CLPB: variants seen among roughly 807,000 people sequenced by gnomAD.
CLPB encodes the protein ClpB family mitochondrial disaggregase, also known as mitochondrial disaggregase.
In CLPB, 40 loss-of-function variants were observed where a neutral mutation model predicts 78.4. The ratio of observed to expected loss-of-function variants is 0.51; its 90% confidence interval spans 0.40 to 0.66. The LOEUF (loss-of-function observed/expected upper bound fraction) is 0.66, where lower values mean the gene tolerates loss of function less well. Ranked by LOEUF, CLPB falls within the 30% of genes least tolerant of loss-of-function variation. The pLI, the probability that CLPB is intolerant of heterozygous loss-of-function variation, is 0.00. For synonymous variants in CLPB, 333 were observed against 348.0 expected, an observed-to-expected ratio of 0.96 and a Z score of 0.48; for missense variants, 780 against 886.9, an observed-to-expected ratio of 0.88 and a Z score of 1.53.
intron 2 of CLPB, among the ~76,000 whole-genome samples, chr11:72,413,118 G>A (rs1263533298): frequency 3.3e-5 from 5 of 151,766 alleles, no homozygotes; most frequent in Admixed American, 6.6e-5. Context: ...GAGAAACCCC[G>A]TCTCTACTAA....
chr11:72,434,302 G>A lies in CLPB; in HGVS notation c.173C>T (p.Thr58Ile). Residue 58 changes from threonine to isoleucine, a missense_variant, in exon 1 of 16, where the codon ACA becomes ATA. By Grantham distance (89) the Thr-to-Ile change is moderately conservative. Around this residue, in one of 3 missense-constraint regions of CLPB, gnomAD observed 417 missense variants for 414.7 expected, o/e 1.01. Coordinates refer to ENST00000538039, the MANE Select transcript of CLPB (RefSeq NM_001258392.3). Reference protein sequence around the residue: ...LRVATGGRPGTSPALFSGRGA... With the variant: ...LRVATGGRPGISPALFSGRGA... Reference sequence around the variant, plus strand: ...ACGTCCGGAGAACAAGGCCGGCGATGTTCCAGGGCGCCCCCCGGTGGCTAC... The same window carrying A: ...ACGTCCGGAGAACAAGGCCGGCGATATTCCAGGGCGCCCCCCGGTGGCTAC... 1 of 1,611,740 alleles carries A rather than the reference G, an allele frequency of 6.2e-7. No homozygotes were observed. Among genetic ancestry groups the A allele is most frequent in the East Asian group, 2.2e-5 (1 of 44,834 alleles).
rs1217606598 is a variant in CLPB at position 72,295,548 on chromosome 11, A to G, written c.1430T>C (p.Leu477Pro). Residue 477 changes from leucine to proline, a missense_variant, in exon 12 of 16, where the codon CTG becomes CCG. Coordinates refer to ENST00000538039, the MANE Select transcript of CLPB (RefSeq NM_001258392.3). ...VASDEIAQHA[L>P]QLRQEALEMS... ...CTCCAAAGCTTCCTGCCTCAGCTGC[A>G]GCGCGTGCTGTGCGATCTCGTCGCT... 6.2e-7 allele frequency: 1 copy of G among 1,614,086 alleles called. No individual in the cohort carries two copies. The highest frequency in any genetic ancestry group is 1.3e-5 in the African/African-American group (1 of 74,926).
chr11:72,371,427 G>C (rs1159261231), intron 4 of CLPB, among the ~76,000 whole-genome samples: 1 of 151,866 alleles, frequency 6.6e-6, no homozygotes, highest in Non-Finnish European at 1.5e-5. Flanking sequence ...TACTCAGGAG[G>C]CTGAGGCATA....
At chr11:72,408,220 A>G in intron 2 of CLPB, 1 of 1,520,256 alleles carries the variant, frequency 6.6e-7, no homozygotes, top group Non-Finnish European at 8.8e-7. Context: ...GTATAATGGA[A>G]AAAAAGCAAT....
chr11:72,374,409 GC>G (rs1951101918), intron 4 of CLPB, among the ~76,000 whole-genome samples: 1 of 152,142 alleles, frequency 6.6e-6, no homozygotes, highest in South Asian at 2.1e-4. Context: ...TGGTACTGAA[GC>G]CCAATCTTTC....
rs181126943 is a variant in CLPB at position 72,342,981 on chromosome 11, G to A, written c.776-13177C>T. Reference sequence around the variant, plus strand: ...CAATCAATCTTGATGGGTTGTCTACGAGACCCCAACCACCCCAAAGGACTG... The same window carrying A: ...CAATCAATCTTGATGGGTTGTCTACAAGACCCCAACCACCCCAAAGGACTG... On this transcript the variant is annotated intron_variant, in intron 5 of 15. Transcript: ENST00000538039. 1.5e-3 allele frequency among the ~76,000 whole-genome samples: 225 copies of A among 152,292 alleles called. 1 individual carries two copies. The highest frequency in any genetic ancestry group is 2.5e-3 in the Non-Finnish European group (167 of 68,022).
chr11:72,370,807 G>A (rs1303436716), intron 4 of CLPB, among the ~76,000 whole-genome samples: 2 of 152,036 alleles, frequency 1.3e-5, no homozygotes, highest in Admixed American at 6.6e-5. Context: ...CATCATCATC[G>A]TCATCTCATT....
At chr11:72,352,617 G>T (rs1950634638) in intron 5 of CLPB, 1 of 152,158 alleles carries the variant, frequency 6.6e-6, no homozygotes, top group Non-Finnish European at 1.5e-5. Flanking sequence ...AGATTTAAAA[G>T]GTCTTTTCTT....
intron 3 of CLPB, among the ~76,000 whole-genome samples, chr11:72,392,875 C>T (rs890342051): frequency 6.6e-6 from 1 of 152,202 alleles, no homozygotes; most frequent in Non-Finnish European, 1.5e-5. Context: ...CCCAACTGAC[C>T]ATCCATTAGT....
intron 3 of CLPB, among the ~76,000 whole-genome samples, chr11:72,389,899 A>G (rs551444781): frequency 1.3e-5 from 2 of 151,894 alleles, no homozygotes; most frequent in African/African-American, 4.8e-5. Context: ...GGCAGGAAAA[A>G]AAGAAAGATT....
At chr11:72,308,474 G>T in intron 8 of CLPB, 53 bp downstream of exon 8, 1 of 1,531,308 alleles carries the variant, frequency 6.5e-7, no homozygotes, top group Non-Finnish European at 9.0e-7. Context: ...TCAGACTTGG[G>T]CCGGGCACTA....
intron 6 of CLPB, among the ~76,000 whole-genome samples, chr11:72,325,859 C>T (rs997357969): frequency 1.3e-5 from 2 of 152,102 alleles, no homozygotes; most frequent in Non-Finnish European, 2.9e-5. Context: ...ATATAAAATG[C>T]GGCTGCCAGT....
intron 7 of CLPB, among the ~76,000 whole-genome samples, chr11:72,315,169 T>C (rs982511789): frequency 5.3e-5 from 8 of 152,032 alleles, no homozygotes; most frequent in Admixed American, 4.6e-4. Flanking sequence ...CAAGGAAGCA[T>C]CTGAGTTTCT....
chr11:72,396,263 G>A (rs1417392222), intron 3 of CLPB, among the ~76,000 whole-genome samples: 1 of 152,162 alleles, frequency 6.6e-6, no homozygotes, highest in East Asian at 1.9e-4. Flanking sequence ...CGACACTGAT[G>A]AAATGCACTC....
At chr11:72,425,264 T>C (rs1393942074) in intron 2 of CLPB, among the ~76,000 whole-genome samples, 1 of 152,218 alleles carries the variant, frequency 6.6e-6, no homozygotes, top group African/African-American at 2.4e-5. Context: ...CTAGTTAGAC[T>C]GTGCCAAGAG....
At chr11:72,422,856 C>A (rs995420681) in intron 2 of CLPB, among the ~76,000 whole-genome samples, 1 of 152,220 alleles carries the variant, frequency 6.6e-6, no homozygotes, top group South Asian at 2.1e-4. Flanking sequence ...TTTACCTATG[C>A]TGTAACTAAG....
rs531494546 is a variant in CLPB at position 72,295,137 on chromosome 11, G to T, written c.1486+355C>A. ...CTGTGTCCACTGCCATAGAGTTTTC[G>T]ATCTGCTGTCCCCTTCTTGCACCAA... On this transcript the variant is annotated intron_variant, in intron 12 of 15. Coordinates refer to ENST00000538039, the MANE Select transcript of CLPB (RefSeq NM_001258392.3). Among the ~76,000 whole-genome samples the T allele has an allele frequency of 2.0e-5, 3 of 152,248 alleles. No individual in the cohort carries two copies. The East Asian group carries it at 5.8e-4, about 29-fold the overall frequency.
At chr11:72,334,312 T>C (rs746897881) in intron 5 of CLPB, among the ~76,000 whole-genome samples, 7 of 152,146 alleles carry the variant, frequency 4.6e-5, no homozygotes, top group Non-Finnish European at 1.0e-4. Flanking sequence ...GTACGGCGCC[T>C]GTCTCCAGCC....
At chr11:72,359,134 C>A in intron 4 of CLPB, 126 bp from the exon 5 acceptor site, 1 of 1,455,476 alleles carries the variant, frequency 6.9e-7, no homozygotes, top group Non-Finnish European at 9.5e-7. Context: ...AAAATGGCAC[C>A]TACTATGTTC....
Sources: gnomAD v4.1 joint callset for allele counts (sites outside exome capture counted in the v4.1 genomes callset) on GRCh38, gnomAD v4.1.1 for gene constraint, gnomAD v4.1.1 regional missense constraint, MANE v1.5 for transcripts, NCBI Gene and HGNC (gene_info 2026-07-23, HGNC 2026-07-21) for gene names.